The following PAK1 variants were observed in gnomAD, a reference collection of about 807,000 sequenced individuals.
The protein encoded by PAK1 is serine/threonine-protein kinase PAK 1.
PAK1 carries 29 observed loss-of-function variants against 67.4 expected under a neutral mutation model. That is an observed-to-expected ratio of 0.43 (90% CI 0.32 to 0.59). The LOEUF is 0.59. Among genes scored for constraint, PAK1 ranks in the 20% least tolerant of loss-of-function variants. PAK1 has a pLI of 0.07. For missense variants in PAK1, 337 were observed against 670.7 expected (o/e 0.50, Z 5.50); for synonymous variants, 223 against 237.4 (o/e 0.94, Z 0.56).
intron 2 of PAK1, among the ~76,000 whole-genome samples, chr11:77,390,112 G>C (rs1448453127): frequency 6.6e-6 from 1 of 152,240 alleles, no homozygotes; most frequent in East Asian, 1.9e-4. Flanking sequence ...TCAGATCATA[G>C]CCCTTGTACC....
chr11:77,428,503 C>T (rs1458834572), intron 1 of PAK1, among the ~76,000 whole-genome samples: 2 of 150,500 alleles, frequency 1.3e-5, no homozygotes, highest in African/African-American at 2.4e-5. Flanking sequence ...ACCTAGGAGG[C>T]GGAGGTTGCA....
the PAK1 span, among the ~76,000 whole-genome samples, chr11:77,490,901 G>A: frequency 6.6e-6 from 1 of 152,206 alleles, no homozygotes; most frequent in Non-Finnish European, 1.5e-5. Flanking sequence ...GGTGCAAGAT[G>A]TGCTTTGTTA....
At position 77,392,363 on chromosome 11, in the gene PAK1, C is replaced by T. The variant is rs2137435801; in HGVS notation, c.158G>A (p.Arg53Gln). 1 of 1,604,042 alleles carries T rather than the reference C, an allele frequency of 6.2e-7. No homozygotes were observed. The highest frequency in any genetic ancestry group is 8.5e-7 in the Non-Finnish European group (1 of 1,173,466). ...TCCAGGTAAAATGGATCGGTAAAATCGGTCCTTCTTTTTCTTCTCCTCTGG... is the reference window on the plus strand; with the variant it reads ...TCCAGGTAAAATGGATCGGTAAAATTGGTCCTTCTTTTTCTTCTCCTCTGG... ...PNPEEKKKKD[R>Q]FYRSILPGDK... is the part of the protein sequence containing the mutation. The change falls in exon 2 of 15, where the codon CGA (arginine) becomes CAA (glutamine). Residue 53 changes from arginine (R) to glutamine (Q), a missense_variant. This residue lies in a region of PAK1 where 43 missense variants were observed against 141.5 expected (regional missense o/e 0.30). Transcript: ENST00000356341.
chr11:77,429,350 C>T (rs1042853337), intron 1 of PAK1, among the ~76,000 whole-genome samples: 2 of 152,126 alleles, frequency 1.3e-5, no homozygotes, highest in South Asian at 4.1e-4. Flanking sequence ...TAACTAAATA[C>T]ACTGAAAGTT....
At chr11:77,422,550 G>A (rs901313711) in intron 1 of PAK1, among the ~76,000 whole-genome samples, 9 of 109,586 alleles carry the variant, frequency 8.2e-5, no homozygotes, top group Admixed American at 6.5e-4. Flanking sequence ...GGGAGACACC[G>A]TCTCAAAAAA....
At chr11:77,364,019 G>A (rs550141010) in intron 5 of PAK1, among the ~76,000 whole-genome samples, 1 of 152,382 alleles carries the variant, frequency 6.6e-6, no homozygotes, top group African/African-American at 2.4e-5. Context: ...CCCAGGCCCA[G>A]TGGCACTGTC....
At chr11:77,371,235 A>C (rs1236246141) in intron 5 of PAK1, among the ~76,000 whole-genome samples, 2 of 152,214 alleles carry the variant, frequency 1.3e-5, no homozygotes, top group African/African-American at 4.8e-5. Flanking sequence ...GCTAAAAGGG[A>C]CTTTAAGATT....
At chr11:77,329,726 G>A (rs936776810) in intron 14 of PAK1, among the ~76,000 whole-genome samples, 2 of 151,952 alleles carry the variant, frequency 1.3e-5, no homozygotes, top group Non-Finnish European at 2.9e-5. Flanking sequence ...ACTGGCACAA[G>A]ACAGGGATGC....
At chr11:77,330,558 G>C (rs1941239982) in intron 14 of PAK1, among the ~76,000 whole-genome samples, 1 of 152,152 alleles carries the variant, frequency 6.6e-6, no homozygotes, top group African/African-American at 2.4e-5. Context: ...TTAATAAATG[G>C]TGCTGGGAAA....
chr11:77,506,873 G>A, the PAK1 span, among the ~76,000 whole-genome samples: 2 of 152,114 alleles, frequency 1.3e-5, no homozygotes, highest in Non-Finnish European at 2.9e-5. Context: ...GGAGAAGCAA[G>A]GGATAAAAAC....
At chr11:77,516,487 A>G in the PAK1 span, among the ~76,000 whole-genome samples, 2 of 152,202 alleles carry the variant, frequency 1.3e-5, no homozygotes, top group African/African-American at 2.4e-5. Context: ...AATGTTTAGA[A>G]TAGTACTTAG....
intron 14 of PAK1, among the ~76,000 whole-genome samples, chr11:77,324,313 C>A (rs1939159024): frequency 6.6e-6 from 1 of 151,776 alleles, no homozygotes. Flanking sequence ...GCTGGGACTA[C>A]AGGCGCCCGC....
chr11:77,485,822 G>A, the PAK1 span, among the ~76,000 whole-genome samples: 2 of 152,280 alleles, frequency 1.3e-5, no homozygotes, highest in African/African-American at 2.4e-5. Flanking sequence ...GTTATCTAGA[G>A]CAGCAGCAGC....
the PAK1 span, among the ~76,000 whole-genome samples, chr11:77,503,594 A>T: frequency 1.3e-5 from 2 of 152,254 alleles, no homozygotes; most frequent in African/African-American, 4.8e-5. Context: ...CAGGCATGGT[A>T]GCTCATGCCT....
intron 5 of PAK1, among the ~76,000 whole-genome samples, chr11:77,364,409 C>A (rs188297364): frequency 9.2e-5 from 14 of 152,180 alleles, no homozygotes; most frequent in Non-Finnish European, 1.9e-4. Context: ...CTCTGGAAAG[C>A]CAGGCTGCAA....
At chr11:77,381,642 T>C (rs1949847746) in intron 2 of PAK1, among the ~76,000 whole-genome samples, 1 of 152,244 alleles carries the variant, frequency 6.6e-6, no homozygotes, top group African/African-American at 2.4e-5. Context: ...TTTTTCTTCA[T>C]TCTTACAATC....
chr11:77,362,162 T>G (rs1190229859), intron 5 of PAK1, among the ~76,000 whole-genome samples: 1 of 152,188 alleles, frequency 6.6e-6, no homozygotes, highest in Non-Finnish European at 1.5e-5. Context: ...GTACCCTGGA[T>G]TATATCCTTG....
At chr11:77,393,961 C>T (rs1459368410) in intron 1 of PAK1, among the ~76,000 whole-genome samples, 1 of 152,256 alleles carries the variant, frequency 6.6e-6, no homozygotes, top group Non-Finnish European at 1.5e-5. Flanking sequence ...CAAGATCGCA[C>T]CACTGTACTC....
At chr11:77,343,021 G>T (rs1004923309) in intron 10 of PAK1, among the ~76,000 whole-genome samples, 1 of 151,696 alleles carries the variant, frequency 6.6e-6, no homozygotes, top group Non-Finnish European at 1.5e-5. Context: ...AGTTATTAAC[G>T]TCTATAAACC....
Sources: gnomAD v4.1 joint callset for allele counts (sites outside exome capture counted in the v4.1 genomes callset) on GRCh38, gnomAD v4.1.1 for gene constraint, gnomAD v4.1.1 regional missense constraint, MANE v1.5 for transcripts, NCBI Gene and HGNC (gene_info 2026-07-23, HGNC 2026-07-21) for gene names.